Variants in POLR2G observed in about 807,000 individuals in gnomAD.
POLR2G encodes RNA polymerase II subunit G.
In POLR2G, 19 loss-of-function variants were observed where a neutral mutation model predicts 25.7. The observed-to-expected ratio is 0.74, with a 90% CI of 0.52 to 1.08. The LOEUF is 1.08. POLR2G is among the 50% of genes least tolerant of loss of function. The pLI is 0.00. For synonymous variants in POLR2G, 79 were observed against 76.0 expected (o/e 1.04, Z -0.21); for missense variants, 123 against 218.5 (o/e 0.56, Z 2.76).
At position 62,761,616 on chromosome 11, in the gene POLR2G, T is replaced by A; in HGVS notation, c.-33T>A. On this transcript the variant is annotated 5_prime_UTR_variant, in exon 1 of 8. Transcript: ENST00000301788. ...GTGGATTCCCAGGGACTGTCGGAGG[T>A]GTGGACTCTGCCTGCCTACCTGGTC... 6.3e-7 allele frequency: 1 copy of A among 1,596,654 alleles called. No homozygotes were observed. Among genetic ancestry groups the A allele is most frequent in the Non-Finnish European group, 8.5e-7 (1 of 1,171,218 alleles).
rs568368487 is a variant in POLR2G, at chr11:62,765,007, C to T, written c.283-175C>T. Among the ~76,000 whole-genome samples the T allele has an allele frequency of 3.9e-5, 6 of 152,156 alleles. 1 individual carries two copies. Among genetic ancestry groups the T allele is most frequent in the African/African-American group, 9.6e-5 (4 of 41,522 alleles). On this transcript the variant is annotated intron_variant, in intron 3 of 7. Coordinates refer to ENST00000301788, the MANE Select transcript of POLR2G (RefSeq NM_002696.3). ...CTGAGTAGCTGGGATTAGAGGTGCA[C>T]GCCACCATGCCCGGCTAATTTTTGT...
intron 2 of POLR2G, 34 bp from the exon 3 acceptor site, chr11:62,762,833 C>T (rs749909306): frequency 1.3e-6 from 2 of 1,543,704 alleles, no homozygotes; most frequent in Non-Finnish European, 1.8e-6. Context: ...CTCTTGGACA[C>T]ACAGTGTCTT....
At position 62,762,948 on chromosome 11, in the gene POLR2G, T is replaced by C. The variant is rs1424058559; in HGVS notation, c.204T>C (p.Tyr68=). Residue 68 remains tyrosine (Y), a synonymous_variant, in exon 3 of 8, where the codon TAT becomes TAC. Coordinates refer to ENST00000301788, the MANE Select transcript of POLR2G (RefSeq NM_002696.3). ...AGCCAGGCCGAGGCTTTGTCCTTTA[T>C]CCAGTTAAGTACAAGGCCATTGTTT... The part of the protein sequence containing the change: ...VIQPGRGFVL[Y]PVKYKAIVFR... The C allele has an allele frequency of 6.2e-7, 1 of 1,612,470 alleles. No homozygotes were observed. The highest frequency in any genetic ancestry group is 1.1e-5 in the South Asian group (1 of 91,022).
chr11:62,763,128 A>ATT, intron 3 of POLR2G, 102 bp downstream of exon 3: 2 of 412,078 alleles, frequency 4.9e-6, no homozygotes, highest in South Asian at 2.0e-4. Flanking sequence ...AAGTCACTTC[A>ATT]CTTTTTTTTT....
At chr11:62,761,726 C>G in intron 1 of POLR2G, 66 bp downstream of exon 1, 1 of 1,606,210 alleles carries the variant, frequency 6.2e-7, no homozygotes, top group Non-Finnish European at 8.5e-7. Flanking sequence ...GGCGCCGGCG[C>G]GAGACTCCCC....
chr11:62,763,445 C>A (rs984913329), intron 3 of POLR2G, among the ~76,000 whole-genome samples: 5 of 151,972 alleles, frequency 3.3e-5, no homozygotes, highest in African/African-American at 1.2e-4. Flanking sequence ...CAGGTGCCCA[C>A]CACCACGCCC....
chr11:62,763,011 C>A lies in POLR2G; in HGVS notation c.267C>A (p.Val89=). ...AAGGGGAGGTCGTGGATGCTGTTGT[C>A]ACTCAGGTCAACAAGGTGAGACCAT... ...PFKGEVVDAV[V]TQVNKVGLFT... Residue 89 remains valine, a synonymous_variant, in exon 3 of 8, where the codon GTC becomes GTA. Coordinates refer to ENST00000301788, the MANE Select transcript of POLR2G (RefSeq NM_002696.3). The A allele has an allele frequency of 6.2e-7, 1 of 1,602,234 alleles. No homozygotes were observed. The highest frequency in any genetic ancestry group is 8.5e-7 in the Non-Finnish European group (1 of 1,171,854).
At chr11:62,765,279 T>G (rs780309277) in intron 4 of POLR2G, 47 bp downstream of exon 4, 1 of 1,605,522 alleles carries the variant, frequency 6.2e-7, no homozygotes, top group Non-Finnish European at 8.5e-7. Flanking sequence ...AGATACTCAT[T>G]CATCACCATC....
chr11:62,765,777 G>A (rs377637434), intron 6 of POLR2G, 53 bp downstream of exon 6: 7 of 1,049,654 alleles, frequency 6.7e-6, no homozygotes, highest in Non-Finnish European at 1.0e-5. Flanking sequence ...GAGAACTGTC[G>A]ATTTCTTTTT....
chr11:62,763,897 A>G (rs942390905), intron 3 of POLR2G, among the ~76,000 whole-genome samples: 3 of 151,908 alleles, frequency 2.0e-5, no homozygotes, highest in South Asian at 2.1e-4. Flanking sequence ...ATGCGCCACC[A>G]TGCCCAGCTA....
chr11:62,766,449 C>T, intron 7 of POLR2G, 45 bp from the exon 8 acceptor site: 1 of 1,611,298 alleles, frequency 6.2e-7, no homozygotes, highest in Non-Finnish European at 8.5e-7. Flanking sequence ...GTTGTGGCTA[C>T]CCTAAATTCC....
Position 62,766,675 on chromosome 11 carries a change from G to A in POLR2G, c.*168G>A, listed in dbSNP as rs1289205350. 1.6e-5 allele frequency: 10 copies of A among 619,062 alleles called. No individual in the cohort carries two copies. Among genetic ancestry groups the A allele is most frequent in the African/African-American group, 3.7e-5 (2 of 53,794 alleles). The allele number at this position is 619,062 out of a possible 1,614,324, so 38.3% of individuals were successfully genotyped here. A position where few individuals can be genotyped will look rare whatever the true frequency, so the allele number is the denominator to read the frequency against. On this transcript the variant is annotated 3_prime_UTR_variant, in exon 8 of 8. Coordinates refer to ENST00000301788, the MANE Select transcript of POLR2G (RefSeq NM_002696.3). Reference sequence around the variant, plus strand: ...TTAACTACTGCCTCCTCATTTTTCAGTATGTGTTCTAAGTATAAAAAGTCC... The same window carrying A: ...TTAACTACTGCCTCCTCATTTTTCAATATGTGTTCTAAGTATAAAAAGTCC...
intron 2 of POLR2G, 155 bp downstream of exon 2, chr11:62,762,059 G>C (rs113293623): frequency 1.5e-5 from 9 of 619,242 alleles, no homozygotes; most frequent in Non-Finnish European, 2.3e-5. Flanking sequence ...TGGGTTCCCA[G>C]GGCGCCCTCT....
chr11:62,761,788 T>C lies in POLR2G; in HGVS notation c.13-7T>C, dbSNP rs774591765. On this transcript the variant is annotated splice_region_variant and splice_polypyrimidine_tract_variant and intron_variant, in intron 1 of 7. Transcript: ENST00000301788. ...TGGCCTGGTCGCCATCCCACTTTTCTCCGCAGATCTCCCTAGAGCACGAAA... is the reference window on the plus strand; with the variant it reads ...TGGCCTGGTCGCCATCCCACTTTTCCCCGCAGATCTCCCTAGAGCACGAAA... 89 of 1,613,450 alleles carry C rather than the reference T, an allele frequency of 5.5e-5. No homozygotes were observed. Among genetic ancestry groups the C allele is most frequent in the Admixed American group, 5.0e-4 (30 of 59,998 alleles).
intron 3 of POLR2G, 103 bp downstream of exon 3, chr11:62,763,129 CTTTTTTTTTTTTTT>C: frequency 3.6e-6 from 1 of 274,286 alleles, no homozygotes; most frequent in Non-Finnish European, 6.3e-6. Context: ...AGTCACTTCA[CTTTTTTTTTTTTTT>C]TTTTTTTTTG....
At chr11:62,762,654 A>G in intron 2 of POLR2G, 1 of 632,250 alleles carries the variant, frequency 1.6e-6, no homozygotes, top group South Asian at 1.5e-5. Flanking sequence ...TTGGACATTT[A>G]TTGTGAAATT....
intron 6 of POLR2G, among the ~76,000 whole-genome samples, chr11:62,765,933 G>A (rs548117741): frequency 2.0e-5 from 3 of 151,772 alleles, no homozygotes; most frequent in African/African-American, 4.8e-5. Context: ...GACTACAGGC[G>A]CCCGCCACCA....
intron 7 of POLR2G, 76 bp downstream of exon 7, chr11:62,766,352 C>T: frequency 4.0e-6 from 6 of 1,516,298 alleles, no homozygotes; most frequent in Non-Finnish European, 5.5e-6. Flanking sequence ...ATATAGGATT[C>T]AATGCCCAAA....
chr11:62,765,937 G>A (rs182777755), intron 6 of POLR2G, among the ~76,000 whole-genome samples: 6 of 151,902 alleles, frequency 3.9e-5, no homozygotes, highest in South Asian at 2.1e-4. Flanking sequence ...ACAGGCGCCC[G>A]CCACCACACC....
Sources: allele counts gnomAD v4.1 joint callset (sites outside exome capture counted in the v4.1 genomes callset), GRCh38; gene constraint gnomAD v4.1.1; transcripts MANE v1.5; gene names NCBI Gene and HGNC (gene_info 2026-07-23, HGNC 2026-07-21).